SYT1: variants seen among roughly 807,000 people sequenced by gnomAD.
The protein encoded by SYT1 is synaptotagmin 1.
Under a neutral mutation model 44.8 loss-of-function variants are expected in SYT1, and 8 were observed. The ratio of observed to expected loss-of-function variants is 0.18; its 90% CI spans 0.10 to 0.32. The LOEUF (loss-of-function observed/expected upper bound fraction) is 0.32, where lower values mean the gene tolerates loss of function less well. Ranked by LOEUF, SYT1 falls within the 10% of genes least tolerant of loss-of-function variation. SYT1 has a pLI of 1.00. For synonymous variants in SYT1, 154 were observed against 188.8 expected, an observed-to-expected ratio of 0.82 and a Z score of 1.51; for missense variants, 286 against 509.3, an observed-to-expected ratio of 0.56 and a Z score of 4.22.
chr12:79,055,060 C>A (rs1874831581), intron 3 of SYT1, among the ~76,000 whole-genome samples: 1 of 151,886 alleles, frequency 6.6e-6, no homozygotes, highest in Non-Finnish European at 1.5e-5. Context: ...CCAGCTCCAC[C>A]ACTTATTAAC....
chr12:79,409,684 C>G (rs1442868033), intron 9 of SYT1, among the ~76,000 whole-genome samples: 1 of 152,062 alleles, frequency 6.6e-6, no homozygotes, highest in Non-Finnish European at 1.5e-5. Flanking sequence ...TTTTTCTGCA[C>G]TCATTTGGCT....
At chr12:79,323,755 A>G (rs886635051) in intron 8 of SYT1, among the ~76,000 whole-genome samples, 34 of 151,880 alleles carry the variant, frequency 2.2e-4, no homozygotes, top group Admixed American at 2.0e-4. Context: ...GCCATTAGGC[A>G]TACTTATATG....
intron 2 of SYT1, among the ~76,000 whole-genome samples, chr12:78,980,239 G>A (rs1266414591): frequency 1.3e-5 from 2 of 152,058 alleles, no homozygotes; most frequent in Non-Finnish European, 2.9e-5. Flanking sequence ...GATTACCTCA[G>A]GCACTGAAAG....
At chr12:79,407,879 A>G (rs983994345) in intron 9 of SYT1, among the ~76,000 whole-genome samples, 7 of 152,220 alleles carry the variant, frequency 4.6e-5, no homozygotes, top group Non-Finnish European at 8.8e-5. Flanking sequence ...CTTTGATCAC[A>G]TCACTACTGT....
In SYT1 at chr12:79,351,535, C is replaced by T. The variant is rs577351486; in HGVS notation, c.811-1967C>T. 2.1e-4 allele frequency among the ~76,000 whole-genome samples: 30 copies of T among 143,572 alleles called. No individual in the cohort carries two copies. The East Asian group carries it at 2.6e-3, about 12-fold the overall frequency. The allele number at this position is 143,572 out of a possible 152,430, so 94.2% of individuals were successfully genotyped here. On this transcript the variant is annotated intron_variant, in intron 8 of 10. Coordinates refer to ENST00000261205, the MANE Select transcript of SYT1 (RefSeq NM_005639.3). ...ATTGTGGAAAATAGACAGAATTCTG[C>T]GAAAAAAAAAAAAAGAGCCCTCCTC...
chr12:79,092,105 A>G (rs1175485046), intron 3 of SYT1, among the ~76,000 whole-genome samples: 1 of 151,922 alleles, frequency 6.6e-6, no homozygotes, highest in Non-Finnish European at 1.5e-5. Context: ...AGGTTCCCAA[A>G]AATATATTCA....
intron 6 of SYT1, 120 bp from the exon 7 acceptor site, chr12:79,295,949 G>A (rs1216380041): frequency 1.7e-6 from 2 of 1,170,468 alleles, no homozygotes; most frequent in East Asian, 5.3e-5. Flanking sequence ...GAGAATCAGA[G>A]TTTTATTAAA....
chr12:79,168,671 A>G (rs2138339506), intron 3 of SYT1, among the ~76,000 whole-genome samples: 1 of 152,138 alleles, frequency 6.6e-6, no homozygotes. Flanking sequence ...GTCTTTGGAA[A>G]TTCTTGCTCT....
At chr12:79,003,981 C>T (rs1009653692) in intron 2 of SYT1, among the ~76,000 whole-genome samples, 4 of 151,842 alleles carry the variant, frequency 2.6e-5, no homozygotes, top group African/African-American at 9.7e-5. Flanking sequence ...AACAGTTAAC[C>T]TTCGTCTTTA....
intron 9 of SYT1, among the ~76,000 whole-genome samples, chr12:79,369,424 T>G (rs890846807): frequency 2.0e-5 from 3 of 152,046 alleles, no homozygotes; most frequent in Non-Finnish European, 2.9e-5. Context: ...CCATGATCAC[T>G]CATACTGCCA....
At chr12:79,357,539 G>T (rs1412776027) in intron 9 of SYT1, among the ~76,000 whole-genome samples, 1 of 152,130 alleles carries the variant, frequency 6.6e-6, no homozygotes, top group Non-Finnish European at 1.5e-5. Context: ...AATACTGTAG[G>T]TAATTGTATT....
At chr12:78,917,021 C>G (rs1438532849) in intron 1 of SYT1, among the ~76,000 whole-genome samples, 1 of 152,014 alleles carries the variant, frequency 6.6e-6, no homozygotes, top group Non-Finnish European at 1.5e-5. Context: ...AAGCCCTGAC[C>G]TCAAAAGCAA....
At chr12:78,996,369 A>G (rs1592644784) in intron 2 of SYT1, among the ~76,000 whole-genome samples, 3 of 152,264 alleles carry the variant, frequency 2.0e-5, no homozygotes, top group Admixed American at 2.0e-4. Context: ...TCAGGATTTT[A>G]TAGGGGAATC....
intron 3 of SYT1, among the ~76,000 whole-genome samples, chr12:79,178,966 A>ATC (rs1435869197): frequency 0.29 from 27,442 of 94,980 alleles, 10,630 homozygotes; most frequent in African/African-American, 0.35. Flanking sequence ...ATATAGATAT[A>ATC]GATATATAGA....
At chr12:78,911,394 T>C (rs1876316722) in intron 1 of SYT1, among the ~76,000 whole-genome samples, 4 of 151,836 alleles carry the variant, frequency 2.6e-5, no homozygotes, top group Admixed American at 2.0e-4. Flanking sequence ...TGGAAGAAAG[T>C]ATACAATAAA....
At chr12:78,964,439 C>T (rs1004342133) in intron 1 of SYT1, among the ~76,000 whole-genome samples, 3 of 152,054 alleles carry the variant, frequency 2.0e-5, no homozygotes, top group African/African-American at 7.2e-5. Flanking sequence ...TTTAGGGTTA[C>T]TGCATTAAGC....
chr12:79,180,922 A>T (rs557617310), intron 3 of SYT1, among the ~76,000 whole-genome samples: 1 of 152,068 alleles, frequency 6.6e-6, no homozygotes, highest in African/African-American at 2.4e-5. Flanking sequence ...GGGGGCAGTT[A>T]CCTCCATGCT....
intron 3 of SYT1, among the ~76,000 whole-genome samples, chr12:79,147,756 C>A (rs1481595237): frequency 6.6e-6 from 1 of 152,070 alleles, no homozygotes; most frequent in Admixed American, 6.5e-5. Context: ...TCTGAGATTA[C>A]CTACAGGAAG....
intron 8 of SYT1, among the ~76,000 whole-genome samples, chr12:79,302,430 G>C (rs531088368): frequency 2.7e-4 from 41 of 152,302 alleles, no homozygotes; most frequent in African/African-American, 9.4e-4. Context: ...TAAGTCATAA[G>C]ATGATGAAGT....
Sources: gnomAD v4.1 joint callset for allele counts (sites outside exome capture counted in the v4.1 genomes callset) on GRCh38, gnomAD v4.1.1 for gene constraint, MANE v1.5 for transcripts, NCBI Gene and HGNC (gene_info 2026-07-23, HGNC 2026-07-21) for gene names.